Variants in KLHL1 observed in about 807,000 individuals in gnomAD.
The protein encoded by KLHL1 is kelch like family member 1.
KLHL1 carries 47 observed loss-of-function variants against 77.7 expected under a neutral mutation model. The ratio of observed to expected loss-of-function variants is 0.60; its 90% CI spans 0.48 to 0.77. The LOEUF (loss-of-function observed/expected upper bound fraction) is 0.77. Among genes scored for constraint, KLHL1 ranks in the 30% least tolerant of loss-of-function variants. KLHL1 has a pLI of 0.00. For synonymous variants in KLHL1, 360 were observed against 325.2 expected (o/e 1.11, Z -1.15); for missense variants, 925 against 910.8 (o/e 1.02, Z -0.20).
Position 69,848,405 on chromosome 13 carries a change from T to C in KLHL1, c.1228-9243A>G, listed in dbSNP as rs558620058. 1.8e-4 allele frequency among the ~76,000 whole-genome samples: 28 copies of C among 151,374 alleles called. No homozygotes were observed. The South Asian group carries it at 5.4e-3, about 29-fold the overall frequency. ...CCTGAAAGAGTATACCACCCAGGAG[T>C]AGATAGTTCCTCCTCTTACATTTAA... On this transcript the variant is annotated intron_variant, in intron 5 of 10. Transcript: ENST00000377844.
At chr13:69,866,301 A>G (rs1880363015) in intron 5 of KLHL1, among the ~76,000 whole-genome samples, 1 of 152,156 alleles carries the variant, frequency 6.6e-6, no homozygotes, top group Non-Finnish European at 1.5e-5. Flanking sequence ...TTCACTGAAT[A>G]TCTGGTTTTC....
intron 4 of KLHL1, among the ~76,000 whole-genome samples, chr13:69,924,752 G>T (rs775363403): frequency 6.6e-6 from 1 of 152,186 alleles, no homozygotes; most frequent in Non-Finnish European, 1.5e-5. Flanking sequence ...CCTTTAGGGA[G>T]CCCAGACCTA....
intron 1 of KLHL1, among the ~76,000 whole-genome samples, chr13:70,028,020 A>G (rs1406797050): frequency 6.6e-6 from 1 of 152,174 alleles, no homozygotes; most frequent in African/African-American, 2.4e-5. Context: ...TACTTGAAGT[A>G]GTTGTGTTTT....
At chr13:70,088,436 T>A (rs1887596139) in intron 1 of KLHL1, among the ~76,000 whole-genome samples, 1 of 152,090 alleles carries the variant, frequency 6.6e-6, no homozygotes, top group South Asian at 2.1e-4. Flanking sequence ...TTTCAACACT[T>A]GGGGAGATGA....
chr13:69,937,301 T>C (rs1241622753), intron 4 of KLHL1, among the ~76,000 whole-genome samples: 2 of 152,160 alleles, frequency 1.3e-5, no homozygotes, highest in Admixed American at 1.3e-4. Flanking sequence ...AAAAACAGAA[T>C]GAGAAACACT....
rs192612496 is a variant in KLHL1, at chr13:70,070,458, C to T, written c.497+36745G>A. Among the ~76,000 whole-genome samples, 401 of 151,918 alleles carry T rather than the reference C, an allele frequency of 2.6e-3. 10 individuals are homozygous for T. The highest frequency in any genetic ancestry group is 0.02 in the Admixed American group (312 of 15,250). On this transcript the variant is annotated intron_variant, in intron 1 of 10. Transcript: ENST00000377844. ...CAAAAAGAGAGTGGAGTAAAATATT[C>T]AAAATGTTAAAAGACAGAAAGAAAA... is the stretch of plus-strand genomic sequence containing the variant.
At position 69,882,526 on chromosome 13, in the gene KLHL1, C is replaced by G. The variant is rs1048925230; in HGVS notation, c.1015-31G>C. The G allele has an allele frequency of 2.7e-6, 4 of 1,496,538 alleles. No homozygotes were observed. The South Asian group carries it at 4.6e-5, about 17-fold the overall frequency. 92.7% of individuals were successfully genotyped at this position (1,496,538 alleles called of 1,614,324 possible). ...GGGAGAAAATATCTTGGCATAAATT[C>G]TGTTTCACTTTTATTTAGCTAGTAA... On this transcript the variant is annotated intron_variant, in intron 4 of 10. Transcript: ENST00000377844.
chr13:69,991,630 C>A (rs1885031020), intron 1 of KLHL1, among the ~76,000 whole-genome samples: 1 of 150,752 alleles, frequency 6.6e-6, no homozygotes, highest in African/African-American at 2.4e-5. Flanking sequence ...CTGAACAGAC[C>A]AATAATGAGC....
chr13:70,001,623 C>CTACCT (rs1487557116), intron 1 of KLHL1, among the ~76,000 whole-genome samples: 8 of 150,588 alleles, frequency 5.3e-5, no homozygotes, highest in African/African-American at 1.9e-4. Flanking sequence ...ATCTACCTAT[C>CTACCT]ATCTTTCTAC....
At chr13:70,051,297 A>G (rs1192066123) in intron 1 of KLHL1, among the ~76,000 whole-genome samples, 1 of 152,020 alleles carries the variant, frequency 6.6e-6, no homozygotes, top group Non-Finnish European at 1.5e-5. Flanking sequence ...ATTTGATCAC[A>G]ATTCTTTTTC....
intron 1 of KLHL1, among the ~76,000 whole-genome samples, chr13:69,980,244 C>G (rs770345687): frequency 5.9e-5 from 9 of 152,168 alleles, no homozygotes; most frequent in Non-Finnish European, 7.4e-5. Flanking sequence ...ATATTTACTT[C>G]TGTAAGAATA....
chr13:69,811,379 A>G (rs960024957), intron 6 of KLHL1, among the ~76,000 whole-genome samples: 3 of 151,656 alleles, frequency 2.0e-5, no homozygotes, highest in Non-Finnish European at 4.4e-5. Context: ...CAATAACCAT[A>G]TGGTCAACGT....
chr13:69,995,117 T>A (rs1361879151), intron 1 of KLHL1, among the ~76,000 whole-genome samples: 1 of 152,132 alleles, frequency 6.6e-6, no homozygotes, highest in Non-Finnish European at 1.5e-5. Context: ...TTCATTTGAT[T>A]ATGCATTATT....
intron 5 of KLHL1, among the ~76,000 whole-genome samples, chr13:69,854,177 T>A (rs1879799306): frequency 6.6e-6 from 1 of 151,988 alleles, no homozygotes; most frequent in African/African-American, 2.4e-5. Flanking sequence ...TACCTGAGAC[T>A]GGGAAATTAT....
At chr13:69,888,040 C>T (rs1881282816) in intron 4 of KLHL1, among the ~76,000 whole-genome samples, 1 of 152,108 alleles carries the variant, frequency 6.6e-6, no homozygotes, top group Non-Finnish European at 1.5e-5. Flanking sequence ...AATTATTGCT[C>T]ACAGTTCTAG....
intron 6 of KLHL1, among the ~76,000 whole-genome samples, chr13:69,831,554 A>T (rs993920794): frequency 6.0e-5 from 9 of 150,138 alleles, no homozygotes; most frequent in Non-Finnish European, 1.2e-4. Context: ...TATTGAAACT[A>T]TTCCAAAAGA....
chr13:69,929,302 A>G (rs1019515101), intron 4 of KLHL1, among the ~76,000 whole-genome samples: 16 of 152,042 alleles, frequency 1.1e-4, no homozygotes, highest in Non-Finnish European at 1.9e-4. Flanking sequence ...TCTGTGTTTT[A>G]TCTCATTTTA....
intron 8 of KLHL1, among the ~76,000 whole-genome samples, chr13:69,731,414 T>C (rs191298815): frequency 1.3e-4 from 20 of 152,304 alleles, no homozygotes; most frequent in Admixed American, 1.2e-3. Context: ...ACCAACCATT[T>C]TTTATGCAAG....
intron 1 of KLHL1, among the ~76,000 whole-genome samples, chr13:70,057,782 CAAAA>C (rs60920874): frequency 4.8e-5 from 3 of 62,262 alleles, no homozygotes; most frequent in East Asian, 1.1e-3. Flanking sequence ...GACTCCGTCT[CAAAA>C]AAAAAAAAAA....
Sources: gnomAD v4.1 joint callset for allele counts (sites outside exome capture counted in the v4.1 genomes callset) on GRCh38, gnomAD v4.1.1 for gene constraint, MANE v1.5 for transcripts, NCBI Gene and HGNC (gene_info 2026-07-23, HGNC 2026-07-21) for gene names.